The following CLK4 variants were observed in gnomAD, a reference collection of about 807,000 sequenced individuals.
The protein encoded by CLK4 is CDC like kinase 4.
CLK4 carries 37 observed loss-of-function variants against 64.4 expected under a neutral mutation model. The observed-to-expected ratio is 0.57, with a 90% CI of 0.44 to 0.76. The LOEUF (loss-of-function observed/expected upper bound fraction) is 0.76, where lower values mean the gene tolerates loss of function less well. Ranked by LOEUF, CLK4 falls within the 30% of genes least tolerant of loss-of-function variation. The pLI, the probability that CLK4 is intolerant of heterozygous loss-of-function variation, is 0.00. For synonymous variants in CLK4, 175 were observed against 191.6 expected, an observed-to-expected ratio of 0.91 and a Z score of 0.72; for missense variants, 457 against 605.1, an observed-to-expected ratio of 0.76 and a Z score of 2.57.
At chr5:178,616,789 C>T in intron 5 of CLK4, 93 bp downstream of exon 5, 1 of 1,018,700 alleles carries the variant, frequency 9.8e-7, no homozygotes, top group Non-Finnish European at 1.5e-6. Context: ...GAGGCCCTAT[C>T]TCAAATAAAT....
At chr5:178,615,067 C>T (rs556700910) in intron 5 of CLK4, among the ~76,000 whole-genome samples, 6 of 152,198 alleles carry the variant, frequency 3.9e-5, no homozygotes, top group South Asian at 2.1e-4. Flanking sequence ...CAGGTGTGTG[C>T]CACACGTGAC....
Position 178,621,707 on chromosome 5 carries a change from A to G in CLK4, c.161+1549T>C, listed in dbSNP as rs911170554. Reference sequence around the variant, plus strand: ...TGTATAATTTGGCAAACTCTCTAGAAAAAGAAATATGAACCTGTAGCAAGA... The same window carrying G: ...TGTATAATTTGGCAAACTCTCTAGAGAAAGAAATATGAACCTGTAGCAAGA... On this transcript the variant is annotated intron_variant, in intron 2 of 12. Transcript: ENST00000316308. 3 of 152,282 alleles carry G rather than the reference A, an allele frequency of 2.0e-5. No individual in the cohort carries two copies. The East Asian group carries it at 5.8e-4, about 29-fold the overall frequency. The allele number at this position is 152,282 out of a possible 1,614,324, so 9.4% of individuals were successfully genotyped here.
At chr5:178,608,774 G>A (rs1016072501) in intron 9 of CLK4, among the ~76,000 whole-genome samples, 2 of 152,192 alleles carry the variant, frequency 1.3e-5, no homozygotes, top group African/African-American at 2.4e-5. Flanking sequence ...TATAATGGGA[G>A]AGCACTGCTG....
rs140479491 is a variant in CLK4 at position 178,612,625 on chromosome 5, ATCT to A, written c.922-83_922-81del. On this transcript the variant is annotated intron_variant, in intron 8 of 12. Coordinates refer to ENST00000316308, the MANE Select transcript of CLK4 (RefSeq NM_020666.3). The stretch of plus-strand genomic sequence containing the variant: ...TACTCAAAAGGCCAGCACATGAATT[ATCT>A]TCTTGATTGTCAAAGTAAGCTCATG... 3.5e-4 allele frequency: 500 copies of A among 1,422,454 alleles called. 3 individuals are homozygous for A. In the African/African-American group the frequency reaches 6.3e-3, roughly 18 times the overall value. The allele number at this position is 1,422,454 out of a possible 1,614,324, so 88.1% of individuals were successfully genotyped here.
intron 10 of CLK4, among the ~76,000 whole-genome samples, chr5:178,607,581 G>C (rs969929123): frequency 1.6e-5 from 2 of 127,456 alleles, no homozygotes; most frequent in African/African-American, 5.9e-5. Flanking sequence ...GCATGATCTC[G>C]CTCACTGCAA....
intron 2 of CLK4, 57 bp from the exon 3 acceptor site, chr5:178,618,835 C>A: frequency 1.5e-6 from 2 of 1,372,056 alleles, no homozygotes; most frequent in Non-Finnish European, 2.0e-6. Context: ...TAATGTGGTT[C>A]AAACAAAACA....
intron 9 of CLK4, among the ~76,000 whole-genome samples, chr5:178,610,114 C>G (rs1256314357): frequency 1.3e-5 from 2 of 151,208 alleles, no homozygotes; most frequent in African/African-American, 4.9e-5. Flanking sequence ...TGTGGTGAAA[C>G]CCCATCTCTA....
At chr5:178,610,118 A>G (rs564664206) in intron 9 of CLK4, among the ~76,000 whole-genome samples, 1 of 151,056 alleles carries the variant, frequency 6.6e-6, no homozygotes, top group African/African-American at 2.4e-5. Flanking sequence ...GTGAAACCCC[A>G]TCTCTACTAA....
At position 178,619,280 on chromosome 5, in the gene CLK4, A is replaced by C. The variant is rs1764672066; in HGVS notation, c.162-502T>G. On this transcript the variant is annotated intron_variant, in intron 2 of 12. Transcript: ENST00000316308. ...TACCGACGACTACATTAAGATCCCT[A>C]GAAGAAAAATGATTTACCAAGGTTG... Among the ~76,000 whole-genome samples the C allele has an allele frequency of 2.0e-5, 3 of 152,362 alleles. No individual in the cohort carries two copies. The South Asian group carries it at 6.2e-4, about 32-fold the overall frequency.
Position 178,612,464 on chromosome 5 carries a change from T to G in CLK4, c.1003A>C (p.Ser335Arg), listed in dbSNP as rs1382436901. ...TAGTGCCGGGTAGACACCAAAGTACTGTGATGTTCATCATCATACGTTGCA... is the reference window on the plus strand; with the variant it reads ...TAGTGCCGGGTAGACACCAAAGTACGGTGATGTTCATCATCATACGTTGCA... Reference protein sequence around the residue: ...GSATYDDEHHSTLVSTRHYRA... With the variant: ...GSATYDDEHHRTLVSTRHYRA... The change falls in exon 9 of 13, where the codon AGT becomes CGT. Residue 335 changes from serine to arginine, a missense_variant. By Grantham distance (110) the Ser-to-Arg change is moderately radical. Transcript: ENST00000316308. The G allele has an allele frequency of 6.2e-7, 1 of 1,614,090 alleles. No individual in the cohort carries two copies.
Position 178,617,496 on chromosome 5 carries a change from A to G in CLK4, c.385-62T>C, listed in dbSNP as rs1764642570. The G allele has an allele frequency of 7.0e-7, 1 of 1,431,146 alleles. No homozygotes were observed. Among genetic ancestry groups the G allele is most frequent in the Non-Finnish European group, 9.8e-7 (1 of 1,022,846 alleles). 88.7% of individuals were successfully genotyped at this position (1,431,146 alleles called of 1,614,324 possible). On this transcript the variant is annotated intron_variant, in intron 3 of 12. Transcript: ENST00000316308. This position sits in a 1 kb window ranked among gnomAD's most constrained non-coding sequence, Gnocchi z 5.2. ...CCAATCAATATATCAGAGTGAATTCAGGGCAGAATACGCAATTCATTCAGC... is the reference window on the plus strand; with the variant it reads ...CCAATCAATATATCAGAGTGAATTCGGGGCAGAATACGCAATTCATTCAGC...
chr5:178,622,405 T>C, intron 2 of CLK4: 1 of 986,122 alleles, frequency 1.0e-6, no homozygotes, highest in Non-Finnish European at 1.2e-6. Context: ...TTTTTTAAAG[T>C]AACCCCAGCT....
At chr5:178,621,390 T>A (rs1764704519) in intron 2 of CLK4, among the ~76,000 whole-genome samples, 1 of 152,184 alleles carries the variant, frequency 6.6e-6, no homozygotes, top group Non-Finnish European at 1.5e-5. Context: ...ATGGATTAAC[T>A]AAGCCTGTAG....
Position 178,616,939 on chromosome 5 carries a change from A to C in CLK4, c.485T>G (p.Val162Gly), listed in dbSNP as rs1419127257. The C allele has an allele frequency of 6.2e-7, 1 of 1,612,970 alleles. No homozygotes were observed. The highest frequency in any genetic ancestry group is 1.3e-5 in the African/African-American group (1 of 75,040). The change falls in exon 5 of 13, where the codon GTG (valine) becomes GGG (glycine). Residue 162 changes from valine (V) to glycine (G), a missense_variant. Transcript: ENST00000316308. ...GDVLRARYEI[V>G]DTLGEGAFGK... is the part of the protein sequence containing the mutation. ...AAAGGCTCCTTCACCCAAAGTGTCC[A>C]CGATTTCATCTAGAGTGAGGAGGGA...
rs757102170 is a variant in CLK4, at chr5:178,618,646, T to C, written c.294A>G (p.Arg98=). 6.2e-7 allele frequency: 1 copy of C among 1,614,106 alleles called. No homozygotes were observed. The highest frequency in any genetic ancestry group is 2.2e-5 in the East Asian group (1 of 44,870). The stretch of plus-strand genomic sequence containing the variant: ...GGACTGAAGATTTACTGCAGTGGAT[T>C]CGATACCCGCTTTCAATGTCTCTGT... ...HYHRDIESGY[R]IHCSKSSVRS... Residue 98 remains arginine, a synonymous_variant, in exon 3 of 13, where the codon CGA becomes CGG. Transcript: ENST00000316308.
intron 2 of CLK4, chr5:178,619,883 A>G (rs1764682627): frequency 1.1e-6 from 1 of 912,316 alleles, no homozygotes; most frequent in Non-Finnish European, 1.6e-6. Flanking sequence ...TTCAAGAGGG[A>G]TGCACATGGA....
rs1411599139 is a variant in CLK4 at position 178,608,466 on chromosome 5, A to G, written c.1052-8T>C. 2.5e-6 allele frequency: 4 copies of G among 1,594,848 alleles called. No individual in the cohort carries two copies. The highest frequency in any genetic ancestry group is 8.5e-7 in the Non-Finnish European group (1 of 1,171,998). On this transcript the variant is annotated splice_polypyrimidine_tract_variant and splice_region_variant and intron_variant, in intron 9 of 12. Transcript: ENST00000316308. Reference sequence around the variant, plus strand: ...GCTGAGACCAACCTAAAGCTATTTTAAAACAAATAGAAACATTTTACTATG... The same window carrying G: ...GCTGAGACCAACCTAAAGCTATTTTGAAACAAATAGAAACATTTTACTATG...
chr5:178,618,840 A>G lies in CLK4; in HGVS notation c.162-62T>C, dbSNP rs192736832. On this transcript the variant is annotated intron_variant, in intron 2 of 12. Coordinates refer to ENST00000316308, the MANE Select transcript of CLK4 (RefSeq NM_020666.3). ...CATTCTGCAATAATGTGGTTCAAAC[A>G]AAACATTTTCTCAGAAATTCTTAAA... The G allele has an allele frequency of 8.6e-5, 117 of 1,356,692 alleles. 1 individual carries two copies. In the African/African-American group the frequency reaches 1.4e-3, roughly 17 times the overall value. The allele number at this position is 1,356,692 out of a possible 1,614,324, so 84.0% of individuals were successfully genotyped here. A position where few individuals can be genotyped will look rare whatever the true frequency, so the allele number is the denominator to read the frequency against.
At chr5:178,618,890 AT>A (rs1296988591) in intron 2 of CLK4, 112 bp from the exon 3 acceptor site, 1 of 704,196 alleles carries the variant, frequency 1.4e-6, no homozygotes, top group South Asian at 1.9e-5. Flanking sequence ...TAAGAAAAAA[AT>A]TCAAACAGAT....
Sources: allele counts gnomAD v4.1 joint callset (sites outside exome capture counted in the v4.1 genomes callset), GRCh38; gene constraint gnomAD v4.1.1; non-coding constraint Gnocchi (gnomAD v3.1); transcripts MANE v1.5; gene names NCBI Gene and HGNC (gene_info 2026-07-23, HGNC 2026-07-21).